The following KCNG3 variants were observed in gnomAD, a reference collection of about 807,000 sequenced individuals.
The protein encoded by KCNG3 is potassium voltage-gated channel modifier subfamily G member 3, also known as voltage-gated potassium channel regulatory subunit KCNG3.
In KCNG3, 15 loss-of-function variants were observed where a neutral mutation model predicts 29.0. The ratio of observed to expected loss-of-function variants is 0.52; its 90% CI spans 0.35 to 0.80. KCNG3 has a LOEUF of 0.80. Among genes scored for constraint, KCNG3 ranks in the 30% least tolerant of loss-of-function variants. The pLI, the probability that KCNG3 is intolerant of heterozygous loss-of-function variation, is 0.01. For synonymous variants in KCNG3, 322 were observed against 248.9 expected (o/e 1.29, Z -2.76); for missense variants, 512 against 605.7 (o/e 0.85, Z 1.62).
In KCNG3 at chr2:42,463,823, C is replaced by T. The variant is rs189881173; in HGVS notation, c.666-19244G>A. On this transcript the variant is annotated intron_variant, in intron 1 of 1. Transcript: ENST00000306078. ...ATATCTGGTCCATCTGTACTTGGTT[C>T]GCAGGCTGCCAGTCACTTTGGTGGC... 7.2e-4 allele frequency: 169 copies of T among 233,122 alleles called. 1 individual carries two copies. Among genetic ancestry groups the T allele is most frequent in the South Asian group, 3.8e-3 (75 of 19,540 alleles). 14.4% of individuals were successfully genotyped at this position (233,122 alleles called of 1,614,324 possible). A position where few individuals can be genotyped will look rare whatever the true frequency, so the allele number is the denominator to read the frequency against.
At chr2:42,399,287 G>C in the KCNG3 span, among the ~76,000 whole-genome samples, 2 of 151,940 alleles carry the variant, frequency 1.3e-5, no homozygotes, top group African/African-American at 2.4e-5. Context: ...TGAACTCCTG[G>C]ACTCAAGTGA....
chr2:42,406,771 G>A, the KCNG3 span, among the ~76,000 whole-genome samples: 1 of 150,360 alleles, frequency 6.7e-6, no homozygotes, highest in Non-Finnish European at 1.5e-5. Flanking sequence ...AGGTGGCAGT[G>A]AGCTGAGATC....
chr2:42,460,586 G>A (rs909214349), intron 1 of KCNG3, among the ~76,000 whole-genome samples: 5 of 152,084 alleles, frequency 3.3e-5, no homozygotes, highest in Admixed American at 6.6e-5. Context: ...GGGAGACCAC[G>A]GAAAGCTTCT....
intron 1 of KCNG3, among the ~76,000 whole-genome samples, chr2:42,473,343 GTTTC>G (rs1253963263): frequency 1.3e-5 from 2 of 151,152 alleles, no homozygotes; most frequent in Admixed American, 6.6e-5. Flanking sequence ...TGTAAAGCAT[GTTTC>G]TTTTTTTTTT....
chr2:42,470,260 C>A lies in KCNG3; in HGVS notation c.665+22577G>T. On this transcript the variant is annotated intron_variant, in intron 1 of 1. Coordinates refer to ENST00000306078, the MANE Select transcript of KCNG3 (RefSeq NM_133329.6). Reference sequence around the variant, plus strand: ...AGTCATCTACAGCCTCTGTCCTGGTCGCATAAATTTGTCTATGTACTCACG... The same window carrying A: ...AGTCATCTACAGCCTCTGTCCTGGTAGCATAAATTTGTCTATGTACTCACG... 4 of 392,074 alleles carry A rather than the reference C, an allele frequency of 1.0e-5. No homozygotes were observed. The South Asian group carries it at 1.2e-4, about 12-fold the overall frequency. 24.3% of individuals were successfully genotyped at this position (392,074 alleles called of 1,614,324 possible).
At chr2:42,416,653 T>C in the KCNG3 span, among the ~76,000 whole-genome samples, 2 of 150,936 alleles carry the variant, frequency 1.3e-5, no homozygotes, top group Non-Finnish European at 3.0e-5. Flanking sequence ...CCATCTCTAC[T>C]AAAAATACAA....
chr2:42,493,386 T>G lies in KCNG3; in HGVS notation c.116A>C (p.His39Pro), dbSNP rs1383468836. ...DFPLRRVSRL[H>P]GCRSERDVLE... ...CACGTCGCGCTCGGAGCGGCAGCCG[T>G]GCAGCCGGCTCACGCGGCGCAGCGG... The change falls in exon 1 of 2, where the codon CAC becomes CCC. Residue 39 changes from histidine (H) to proline (P), a missense_variant. Physicochemically the swap from His to Pro is moderately conservative, Grantham distance 77. Coordinates refer to ENST00000306078, the MANE Select transcript of KCNG3 (RefSeq NM_133329.6). 6.5e-7 allele frequency: 1 copy of G among 1,536,332 alleles called. No individual in the cohort carries two copies. The highest frequency in any genetic ancestry group is 1.4e-5 in the African/African-American group (1 of 73,020).
At chr2:42,406,981 A>T in the KCNG3 span, among the ~76,000 whole-genome samples, 1 of 152,012 alleles carries the variant, frequency 6.6e-6, no homozygotes, top group Non-Finnish European at 1.5e-5. Context: ...AACGCTTTTT[A>T]AAAAAAGAAT....
chr2:42,396,522 C>T, the KCNG3 span, among the ~76,000 whole-genome samples: 1 of 152,142 alleles, frequency 6.6e-6, no homozygotes, highest in African/African-American at 2.4e-5. Flanking sequence ...TCTCCAAATT[C>T]CACCAGAAGA....
At chr2:42,390,113 T>C in the KCNG3 span, among the ~76,000 whole-genome samples, 2 of 152,324 alleles carry the variant, frequency 1.3e-5, no homozygotes, top group South Asian at 4.1e-4. Context: ...CCCATGTGAA[T>C]GTCATGCAGG....
At chr2:42,406,702 C>T in the KCNG3 span, among the ~76,000 whole-genome samples, 66 of 151,472 alleles carry the variant, frequency 4.4e-4, no homozygotes, top group African/African-American at 1.5e-3. Flanking sequence ...TGGCACATGC[C>T]TGTAATCCCA....
chr2:42,429,596 C>G, the KCNG3 span, among the ~76,000 whole-genome samples: 1 of 152,190 alleles, frequency 6.6e-6, no homozygotes, highest in Non-Finnish European at 1.5e-5. Context: ...TGACACTGCA[C>G]AAAGTCTCTG....
rs185483324 is a variant in KCNG3, at chr2:42,454,714, A to G, written c.666-10135T>C. Among the ~76,000 whole-genome samples the G allele has an allele frequency of 3.4e-3, 518 of 150,374 alleles. 1 individual carries two copies. Among genetic ancestry groups the G allele is most frequent in the Non-Finnish European group, 5.1e-3 (346 of 67,340 alleles). On this transcript the variant is annotated intron_variant, in intron 1 of 1. Transcript: ENST00000306078. Reference sequence around the variant, plus strand: ...AGCAAGACTCTGCCTCAAAAAAAGAAAAAAAAAAAGAAAGAAAGGAAATCC... The same window carrying G: ...AGCAAGACTCTGCCTCAAAAAAAGAGAAAAAAAAAGAAAGAAAGGAAATCC...
intron 1 of KCNG3, among the ~76,000 whole-genome samples, chr2:42,456,229 A>G (rs556935679): frequency 2.0e-5 from 3 of 152,312 alleles, no homozygotes; most frequent in South Asian, 2.1e-4. Context: ...TAGCCTCTCC[A>G]AAAATAATAT....
the KCNG3 span, among the ~76,000 whole-genome samples, chr2:42,425,936 T>A: frequency 1.3e-5 from 2 of 152,242 alleles, no homozygotes; most frequent in African/African-American, 2.4e-5. Context: ...ATTGCTGAAG[T>A]TGACGCAATA....
chr2:42,473,776 G>A (rs1271278759), intron 1 of KCNG3, among the ~76,000 whole-genome samples: 1 of 151,900 alleles, frequency 6.6e-6, no homozygotes, highest in Admixed American at 6.6e-5. Flanking sequence ...CTTAAATTTT[G>A]CTTTATTTTC....
At chr2:42,458,521 T>C (rs1161122449) in intron 1 of KCNG3, among the ~76,000 whole-genome samples, 6 of 152,258 alleles carry the variant, frequency 3.9e-5, no homozygotes, top group Non-Finnish European at 8.8e-5. Context: ...ACAATACCTG[T>C]CCTGCTAAGA....
At chr2:42,480,210 A>C (rs1192070925) in intron 1 of KCNG3, among the ~76,000 whole-genome samples, 1 of 151,548 alleles carries the variant, frequency 6.6e-6, no homozygotes, top group East Asian at 1.9e-4. Flanking sequence ...GTTGGATCCA[A>C]GGGCGCTTAG....
At chr2:42,392,748 G>A in the KCNG3 span, among the ~76,000 whole-genome samples, 2 of 151,790 alleles carry the variant, frequency 1.3e-5, no homozygotes, top group African/African-American at 4.8e-5. Context: ...TGAGGGTCCT[G>A]GCATCTCATC....
Sources: allele counts gnomAD v4.1 joint callset (sites outside exome capture counted in the v4.1 genomes callset), GRCh38; gene constraint gnomAD v4.1.1; transcripts MANE v1.5; gene names NCBI Gene and HGNC (gene_info 2026-07-23, HGNC 2026-07-21).